LIPA: variants seen among roughly 807,000 people sequenced by gnomAD.
LIPA encodes lysosomal acid lipase/cholesteryl ester hydrolase.
In LIPA, 26 loss-of-function variants were observed where a neutral mutation model predicts 40.6. The observed-to-expected ratio is 0.64, with a 90% CI of 0.47 to 0.89. The LOEUF is 0.89. Ranked by LOEUF, LIPA falls within the 40% of genes least tolerant of loss-of-function variation. LIPA has a pLI of 0.00. For missense variants in LIPA, 455 were observed against 479.6 expected (o/e 0.95, Z 0.48); for synonymous variants, 188 against 168.4 (o/e 1.12, Z -0.90).
At chr10:89,266,602 T>C (rs899549920) in intron 1 of LIPA, among the ~76,000 whole-genome samples, 2 of 152,238 alleles carry the variant, frequency 1.3e-5, no homozygotes, top group African/African-American at 2.4e-5. Context: ...GAAACACTTC[T>C]AGTCCCAAGC....
chr10:89,293,461 G>A (rs763682508), intron 1 of LIPA: 2 of 151,932 alleles, frequency 1.3e-5, no homozygotes, highest in Non-Finnish European at 2.9e-5. Context: ...TTTTCCCCAT[G>A]GACTTGTCCC....
At chr10:89,218,388 G>A (rs1272550487) in intron 8 of LIPA, among the ~76,000 whole-genome samples, 1 of 152,150 alleles carries the variant, frequency 6.6e-6, no homozygotes, top group Admixed American at 6.6e-5. Flanking sequence ...TGCCCTTTAT[G>A]ACAAATATTT....
At chr10:89,387,881 A>G (rs1175773269) in intron 2 of LIPA, among the ~76,000 whole-genome samples, 1 of 152,124 alleles carries the variant, frequency 6.6e-6, no homozygotes, top group Non-Finnish European at 1.5e-5. Flanking sequence ...AATACTCTCA[A>G]CTTTTCTCTC....
chr10:89,323,941 A>G (rs1402929905), intron 1 of LIPA, among the ~76,000 whole-genome samples: 1 of 152,240 alleles, frequency 6.6e-6, no homozygotes, highest in African/African-American at 2.4e-5. Flanking sequence ...AAATTCCTAT[A>G]GAACAAAAAG....
At chr10:89,309,047 A>C (rs1034172343) in intron 1 of LIPA, 1 of 152,212 alleles carries the variant, frequency 6.6e-6, no homozygotes, top group African/African-American at 2.4e-5. Flanking sequence ...CTACTATCAT[A>C]ATCACCTGAA....
intron 5 of LIPA, 144 bp from the exon 6 acceptor site, chr10:89,225,372 G>T: frequency 2.1e-6 from 2 of 939,318 alleles, no homozygotes; most frequent in Non-Finnish European, 3.4e-6. Context: ...CAAAACACTT[G>T]ACATGGGGCA....
chr10:89,228,178 G>GCCATT (rs772273797), intron 4 of LIPA, 22 bp downstream of exon 4: 4 of 1,590,056 alleles, frequency 2.5e-6, no homozygotes, highest in Admixed American at 3.3e-5. Flanking sequence ...ATACATCCAT[G>GCCATT]CCATTATCAA....
Position 89,352,184 on chromosome 10 carries a change from C to T in LIPA, c.61+60607G>A, listed in dbSNP as rs148670743. 6.0e-4 allele frequency among the ~76,000 whole-genome samples: 92 copies of T among 152,298 alleles called. 1 individual carries two copies. The highest frequency in any genetic ancestry group is 2.1e-3 in the African/African-American group (89 of 41,566). ...TGAAGCCACTGCTCGACTCCCCCTC[C>T]CTCTTTGCAGTTTCAATGTGACAGC... On this transcript the variant is annotated intron_variant, in intron 2 of 8. Transcript: ENST00000371837.
intron 8 of LIPA, among the ~76,000 whole-genome samples, chr10:89,219,490 T>C (rs1321467876): frequency 1.3e-5 from 2 of 152,166 alleles, no homozygotes; most frequent in Non-Finnish European, 2.9e-5. Flanking sequence ...ATATTTAAAA[T>C]CCCGCTAAAG....
At chr10:89,375,389 C>G (rs1381412613) in intron 2 of LIPA, among the ~76,000 whole-genome samples, 1 of 152,174 alleles carries the variant, frequency 6.6e-6, no homozygotes, top group Non-Finnish European at 1.5e-5. Context: ...TCTCATTATG[C>G]CCAAGCTGCA....
chr10:89,328,437 A>G (rs1331045566), intron 1 of LIPA, among the ~76,000 whole-genome samples: 1 of 152,148 alleles, frequency 6.6e-6, no homozygotes, highest in African/African-American at 2.4e-5. Flanking sequence ...TCAAGGGTAG[A>G]CCTAAGGGAA....
chr10:89,313,670 G>A (rs1843527281), intron 1 of LIPA, among the ~76,000 whole-genome samples: 1 of 152,152 alleles, frequency 6.6e-6, no homozygotes, highest in Non-Finnish European at 1.5e-5. Flanking sequence ...AATTAAATAT[G>A]GTAGAGCCAC....
At chr10:89,400,790 A>C (rs1337918383) in intron 2 of LIPA, among the ~76,000 whole-genome samples, 1 of 152,162 alleles carries the variant, frequency 6.6e-6, no homozygotes, top group Non-Finnish European at 1.5e-5. Context: ...TAGAATTTCC[A>C]GTACCATGTT....
At chr10:89,339,236 ATGT>A (rs1843805418) in intron 1 of LIPA, 2 of 1,614,078 alleles carry the variant, frequency 1.2e-6, no homozygotes, top group Admixed American at 3.3e-5. Flanking sequence ...TTCTCTACTG[ATGT>A]TTTGAAGCAG....
chr10:89,307,114 G>A (rs1589596253), intron 1 of LIPA: 1 of 1,614,038 alleles, frequency 6.2e-7, no homozygotes, highest in African/African-American at 1.3e-5. Flanking sequence ...ACCAAATGAA[G>A]TGTGAAGACA....
chr10:89,391,723 T>A (rs1214415147), intron 2 of LIPA, among the ~76,000 whole-genome samples: 1 of 151,932 alleles, frequency 6.6e-6, no homozygotes, highest in Non-Finnish European at 1.5e-5. Context: ...AGAGAGGGGG[T>A]TTCACCATGT....
At chr10:89,384,965 C>G (rs987939740) in intron 2 of LIPA, 6 of 506,014 alleles carry the variant, frequency 1.2e-5, no homozygotes, top group African/African-American at 1.1e-4. Context: ...CTGAAAGTAT[C>G]ATCCCTCCTG....
intron 2 of LIPA, among the ~76,000 whole-genome samples, chr10:89,395,496 C>T (rs1273547427): frequency 6.6e-6 from 1 of 152,136 alleles, no homozygotes; most frequent in African/African-American, 2.4e-5. Flanking sequence ...TCAATTGCCT[C>T]CTTTGTATTT....
At chr10:89,294,337 A>G (rs1367744136) in intron 1 of LIPA, among the ~76,000 whole-genome samples, 1 of 152,218 alleles carries the variant, frequency 6.6e-6, no homozygotes, top group Non-Finnish European at 1.5e-5. Flanking sequence ...TAATGAACAG[A>G]CATTTATGGA....
Sources: allele counts gnomAD v4.1 joint callset (sites outside exome capture counted in the v4.1 genomes callset), GRCh38; gene constraint gnomAD v4.1.1; transcripts MANE v1.5; gene names NCBI Gene and HGNC (gene_info 2026-07-23, HGNC 2026-07-21).